Variants in SMTNL1 observed in about 807,000 individuals in gnomAD.
SMTNL1 encodes smoothelin like 1.
In SMTNL1, 41 loss-of-function variants were observed where a neutral mutation model predicts 46.6. The observed-to-expected ratio is 0.88, with a 90% CI of 0.69 to 1.14. The LOEUF is 1.14. Among genes scored for constraint, SMTNL1 ranks in the 50% most tolerant of loss-of-function variants. The probability of loss-of-function intolerance (pLI) is 0.00; values close to 1 mark genes in which losing one functional copy is unlikely to be tolerated. For synonymous variants in SMTNL1, 234 were observed against 234.2 expected, an observed-to-expected ratio of 1.00 and a Z score of 0.01; for missense variants, 591 against 626.1, an observed-to-expected ratio of 0.94 and a Z score of 0.60.
chr11:57,546,651 G>C lies in SMTNL1; in HGVS notation c.1339G>C (p.Glu447Gln), dbSNP rs372829619. The change falls in exon 7 of 8, where the codon GAG becomes CAG. Residue 447 changes from glutamate to glutamine, a missense_variant and splice_region_variant. By Grantham distance (29) the Glu-to-Gln change is conservative (BLOSUM62 2). Coordinates refer to ENST00000527972, the MANE Select transcript of SMTNL1 (RefSeq NM_001105565.3). The stretch of plus-strand genomic sequence containing the variant: ...CTTCACCCTGGCCTTCTCCACAGCA[G>C]AGTAAGCCACAGCCATGGGCTGGCA... The part of the protein sequence containing the change: ...HNFTLAFSTA[E>Q]KLADCAQLLD... 4 of 1,612,814 alleles carry C rather than the reference G, an allele frequency of 2.5e-6. No individual in the cohort carries two copies. The African/African-American group carries it at 5.3e-5, about 22-fold the overall frequency.
At chr11:57,539,800 T>C (rs1944858643) in intron 1 of SMTNL1, among the ~76,000 whole-genome samples, 1 of 152,192 alleles carries the variant, frequency 6.6e-6, no homozygotes. Context: ...AGCATGGGCT[T>C]TCTTAATCCT....
chr11:57,542,730 C>T lies in SMTNL1; in HGVS notation c.88C>T (p.Pro30Ser). The change falls in exon 2 of 8, where the codon CCT becomes TCT. Residue 30 changes from proline (P) to serine (S), a missense_variant. Pro to Ser is a moderately conservative substitution (Grantham distance 74). Coordinates refer to ENST00000527972, the MANE Select transcript of SMTNL1 (RefSeq NM_001105565.3). ...DNPEMSGGGA[P>S]AEETKGTAGK... ...CCCTGAGATGTCAGGAGGTGGAGCC[C>T]CTGCAGAGGAGACCAAAGGCACAGC... 6.2e-7 allele frequency: 1 copy of T among 1,613,876 alleles called. No homozygotes were observed. Among genetic ancestry groups the T allele is most frequent in the Non-Finnish European group, 8.5e-7 (1 of 1,179,846 alleles).
chr11:57,542,500 C>T (rs1055420782), intron 1 of SMTNL1, 141 bp from the exon 2 acceptor site: 14 of 928,442 alleles, frequency 1.5e-5, no homozygotes, highest in Admixed American at 3.0e-5. Flanking sequence ...CTCTCTCCTT[C>T]GTGATTGGGC....
At position 57,543,247 on chromosome 11, in the gene SMTNL1, C is replaced by T. The variant is rs768138340; in HGVS notation, c.605C>T (p.Ser202Leu). The T allele has an allele frequency of 1.7e-5, 28 of 1,613,726 alleles. No individual in the cohort carries two copies. The highest frequency in any genetic ancestry group is 4.5e-5 in the East Asian group (2 of 44,868). The change falls in exon 2 of 8, where the codon TCG (serine) becomes TTG (leucine). Residue 202 changes from serine (S) to leucine (L), a missense_variant. By Grantham distance (145) the Ser-to-Leu change is moderately radical. Transcript: ENST00000527972. ...KATDEEAKAE[S>L]QKAVVEDEAK... ...ACTGATGAAGAGGCCAAGGCTGAAT[C>T]GCAGAAGGCTGTTGTGGAGGATGAG... is the stretch of plus-strand genomic sequence containing the variant.
chr11:57,549,662 A>G (rs1331078162), intron 7 of SMTNL1, among the ~76,000 whole-genome samples: 1 of 152,178 alleles, frequency 6.6e-6, no homozygotes, highest in Non-Finnish European at 1.5e-5. Context: ...GGTGTGAGCC[A>G]CTGTGCCTGG....
At chr11:57,542,478 G>T (rs1944887001) in intron 1 of SMTNL1, among the ~76,000 whole-genome samples, 163 bp from the exon 2 acceptor site, 1 of 152,144 alleles carries the variant, frequency 6.6e-6, no homozygotes, top group Non-Finnish European at 1.5e-5. Flanking sequence ...TCCCAGCTTT[G>T]GGGAAGCACT....
intron 4 of SMTNL1, 22 bp downstream of exon 4, chr11:57,543,942 C>G: frequency 6.4e-7 from 1 of 1,569,140 alleles, no homozygotes; most frequent in South Asian, 1.2e-5. Context: ...CTCTGGGGCT[C>G]CAGCTCCAAT....
Position 57,546,566 on chromosome 11 carries a change from C to G in SMTNL1, c.1254C>G (p.His418Gln). ...SSGMAFCALI[H>Q]KFFPDAFDYA... ...GTATGGCCTTCTGTGCCCTCATCCA[C>G]AAGTTCTTCCCTGACGCCTTTGACT... The change falls in exon 7 of 8, where the codon CAC (histidine) becomes CAG (glutamine). Residue 418 changes from histidine (H) to glutamine (Q), a missense_variant. His to Gln is a conservative substitution (Grantham distance 24, BLOSUM62 0). Coordinates refer to ENST00000527972, the MANE Select transcript of SMTNL1 (RefSeq NM_001105565.3). 6.2e-7 allele frequency: 1 copy of G among 1,614,194 alleles called. No individual in the cohort carries two copies. Among genetic ancestry groups the G allele is most frequent in the Non-Finnish European group, 8.5e-7 (1 of 1,180,014 alleles).
Position 57,543,707 on chromosome 11 carries a change from AGAG to A in SMTNL1, c.820_822del (p.Glu274del). ...GGGCAGGGGTGATTCCCAGCTCCCCAGAGGAGTGGCCTGAGAGCCCCACTGGGG... is the reference window on the plus strand; with the variant it reads ...GGGCAGGGGTGATTCCCAGCTCCCCAGAGTGGCCTGAGAGCCCCACTGGGG... On this transcript the variant is annotated inframe_deletion, in exon 3 of 8. Transcript: ENST00000527972. The A allele has an allele frequency of 6.3e-7, 1 of 1,579,754 alleles. No individual in the cohort carries two copies. The highest frequency in any genetic ancestry group is 1.2e-5 in the South Asian group (1 of 86,152).
At position 57,543,150 on chromosome 11, in the gene SMTNL1, G is replaced by A. The variant is rs1011654971; in HGVS notation, c.508G>A (p.Asp170Asn). The A allele has an allele frequency of 1.2e-6, 2 of 1,613,414 alleles. No individual in the cohort carries two copies. The highest frequency in any genetic ancestry group is 1.6e-4 in the Middle Eastern group (1 of 6,084). Reference protein sequence around the residue: ...PEPKATVEEEDAKTASQEETG... With the variant: ...PEPKATVEEENAKTASQEETG... ...ACCTAAGGCAACAGTTGAGGAGGAG[G>A]ACGCCAAGACAGCCTCTCAGGAGGA... Residue 170 changes from aspartate (D) to asparagine (N), a missense_variant, in exon 2 of 8, where the codon GAC becomes AAC. Coordinates refer to ENST00000527972, the MANE Select transcript of SMTNL1 (RefSeq NM_001105565.3).
At chr11:57,540,588 A>G (rs1944865782) in intron 1 of SMTNL1, among the ~76,000 whole-genome samples, 1 of 152,240 alleles carries the variant, frequency 6.6e-6, no homozygotes, top group Admixed American at 6.5e-5. Context: ...ACTGAGGCCC[A>G]GAGAGGGAAA....
intron 2 of SMTNL1, 85 bp downstream of exon 2, chr11:57,543,459 AG>A: frequency 6.5e-7 from 1 of 1,542,926 alleles, no homozygotes; most frequent in Non-Finnish European, 8.7e-7. Context: ...CAGTTGGGAA[AG>A]TCCAGTTTTC....
At chr11:57,547,950 C>T (rs1373852619) in intron 7 of SMTNL1, among the ~76,000 whole-genome samples, 1 of 152,198 alleles carries the variant, frequency 6.6e-6, no homozygotes, top group African/African-American at 2.4e-5. Context: ...CTGCTGAGAC[C>T]CAGCTTCAGA....
chr11:57,542,849 A>G lies in SMTNL1; in HGVS notation c.207A>G (p.Glu69=). 1.2e-6 allele frequency: 2 copies of G among 1,613,228 alleles called. No individual in the cohort carries two copies. The highest frequency in any genetic ancestry group is 1.7e-6 in the Non-Finnish European group (2 of 1,179,546). Reference sequence around the variant, plus strand: ...GCATGTCAGCAGAACTCCAGGGGGAAGCAAATGGATTAGATGAGGTCAAAG... The same window carrying G: ...GCATGTCAGCAGAACTCCAGGGGGAGGCAAATGGATTAGATGAGGTCAAAG... ...EDGMSAELQG[E]ANGLDEVKVE... Residue 69 remains glutamate, a synonymous_variant, in exon 2 of 8, where the codon GAA becomes GAG. Coordinates refer to ENST00000527972, the MANE Select transcript of SMTNL1 (RefSeq NM_001105565.3).
intron 7 of SMTNL1, among the ~76,000 whole-genome samples, chr11:57,546,970 C>T (rs867785926): frequency 4.6e-5 from 7 of 151,854 alleles, no homozygotes; most frequent in Admixed American, 2.0e-4. Context: ...CCCATCTCTA[C>T]AAAAAATCAA....
Position 57,543,095 on chromosome 11 carries a change from A to G in SMTNL1, c.453A>G (p.Lys151=), listed in dbSNP as rs753016027. ...AGGCCAAACCTGAATCTGGGCAGAA[A>G]GCCGATGCCAATGACAGAGACAAGC... ...EKEAKPESGQ[K]ADANDRDKPE... is the part of the protein sequence containing the mutation. Residue 151 remains lysine (K), a synonymous_variant, in exon 2 of 8, where the codon AAA becomes AAG. Transcript: ENST00000527972. The G allele has an allele frequency of 1.4e-5, 23 of 1,611,688 alleles. No individual in the cohort carries two copies. The highest frequency in any genetic ancestry group is 2.0e-5 in the Non-Finnish European group (23 of 1,178,912).
intron 1 of SMTNL1, among the ~76,000 whole-genome samples, chr11:57,540,715 CTTT>C (rs370179940): frequency 6.9e-6 from 1 of 144,926 alleles, no homozygotes; most frequent in African/African-American, 2.5e-5. Flanking sequence ...CATCTTCCCT[CTTT>C]TTTTTTTTTT....
Position 57,546,628 on chromosome 11 carries a change from T to A in SMTNL1, c.1316T>A (p.Phe439Tyr), listed in dbSNP as rs200371755. 3.0e-5 allele frequency: 48 copies of A among 1,613,726 alleles called. No individual in the cohort carries two copies. The highest frequency in any genetic ancestry group is 6.7e-5 in the Admixed American group (4 of 59,978). ...GATCCCGCAAAGCGCCGGCACAACT[T>A]CACCCTGGCCTTCTCCACAGCAGAG... Reference protein sequence around the residue: ...ELDPAKRRHNFTLAFSTAEKL... With the variant: ...ELDPAKRRHNYTLAFSTAEKL... Residue 439 changes from phenylalanine (F) to tyrosine (Y), a missense_variant, in exon 7 of 8, where the codon TTC (phenylalanine) becomes TAC (tyrosine). Physicochemically the swap from Phe to Tyr is conservative, Grantham distance 22 (BLOSUM62 3). Transcript: ENST00000527972.
chr11:57,543,057 G>C lies in SMTNL1; in HGVS notation c.415G>C (p.Ala139Pro), dbSNP rs765009996. The C allele has an allele frequency of 6.8e-6, 11 of 1,607,868 alleles. No homozygotes were observed. Among genetic ancestry groups the C allele is most frequent in the East Asian group, 2.2e-5 (1 of 44,690 alleles). The stretch of plus-strand genomic sequence containing the variant: ...CACGCTGGCCTCTGAGAAGCAGAAG[G>C]CTGAGGAGAAAGAGGCCAAACCTGA... ...ESTLASEKQK[A>P]EEKEAKPESG... The change falls in exon 2 of 8, where the codon GCT becomes CCT. Residue 139 changes from alanine (A) to proline (P), a missense_variant. Coordinates refer to ENST00000527972, the MANE Select transcript of SMTNL1 (RefSeq NM_001105565.3).
Sources: allele counts gnomAD v4.1 joint callset (sites outside exome capture counted in the v4.1 genomes callset), GRCh38; gene constraint gnomAD v4.1.1; transcripts MANE v1.5; gene names NCBI Gene and HGNC (gene_info 2026-07-23, HGNC 2026-07-21).